CMSS1: variants seen among roughly 807,000 people sequenced by gnomAD.
CMSS1 encodes the protein cms1 ribosomal small subunit homolog.
Under a neutral mutation model 43.5 loss-of-function variants are expected in CMSS1, and 33 were observed. The observed-to-expected ratio is 0.76, with a 90% CI of 0.57 to 1.01. CMSS1 has a LOEUF of 1.01. CMSS1 is among the 50% of genes least tolerant of loss of function. The pLI, the probability that CMSS1 is intolerant of heterozygous loss-of-function variation, is 0.00. For missense variants in CMSS1, 313 were observed against 326.4 expected (o/e 0.96, Z 0.32); for synonymous variants, 115 against 117.2 (o/e 0.98, Z 0.12).
At chr3:100,057,399 A>G (rs537999607) in intron 1 of CMSS1, among the ~76,000 whole-genome samples, 2 of 152,266 alleles carry the variant, frequency 1.3e-5, no homozygotes, top group Non-Finnish European at 2.9e-5. Flanking sequence ...AAAAAGGCCA[A>G]TAAAAGCCCA....
chr3:100,102,108 A>T (rs566653371), intron 1 of CMSS1, among the ~76,000 whole-genome samples: 3 of 152,098 alleles, frequency 2.0e-5, no homozygotes, highest in Non-Finnish European at 4.4e-5. Flanking sequence ...TATAGCAGCA[A>T]GATTTATAAT....
chr3:100,149,791 A>T (rs2066887877), intron 2 of CMSS1, among the ~76,000 whole-genome samples: 1 of 152,112 alleles, frequency 6.6e-6, no homozygotes, highest in Non-Finnish European at 1.5e-5. Context: ...ATTATTTGTG[A>T]AATGAAGGAA....
intron 8 of CMSS1, among the ~76,000 whole-genome samples, chr3:100,173,981 C>T (rs6798114): frequency 0.37 from 56,190 of 152,008 alleles, 10,513 homozygotes; most frequent in South Asian, 0.46. Context: ...CAATAAAGAG[C>T]TCAGCACAGT....
chr3:100,028,021 G>A (rs115124961), intron 1 of CMSS1, among the ~76,000 whole-genome samples: 2 of 152,260 alleles, frequency 1.3e-5, no homozygotes, highest in African/African-American at 4.8e-5. Flanking sequence ...TGAAATGATG[G>A]GGTTGGATTT....
intron 1 of CMSS1, among the ~76,000 whole-genome samples, chr3:99,867,430 G>GA (rs966171267): frequency 6.6e-6 from 1 of 152,092 alleles, no homozygotes; most frequent in Non-Finnish European, 1.5e-5. Context: ...AAAGGTTTTT[G>GA]AAAAAAGCTC....
At chr3:99,904,389 T>A (rs895138987) in intron 1 of CMSS1, among the ~76,000 whole-genome samples, 1 of 152,196 alleles carries the variant, frequency 6.6e-6, no homozygotes, top group African/African-American at 2.4e-5. Context: ...TGGCAAAAAT[T>A]TATTTGGTTT....
intron 1 of CMSS1, among the ~76,000 whole-genome samples, chr3:99,988,527 A>AAG (rs1553703281): frequency 5.6e-4 from 73 of 130,122 alleles, no homozygotes; most frequent in East Asian, 1.9e-3. Flanking sequence ...AAAAAAAAAA[A>AAG]AAAGAAAGAA....
intron 1 of CMSS1, among the ~76,000 whole-genome samples, chr3:99,905,365 C>T (rs531470091): frequency 6.6e-6 from 1 of 152,276 alleles, no homozygotes; most frequent in African/African-American, 2.4e-5. Context: ...GATTCCAAAG[C>T]CAAACTCTCT....
chr3:99,986,119 G>GA (rs951483534), intron 1 of CMSS1, among the ~76,000 whole-genome samples: 21 of 151,964 alleles, frequency 1.4e-4, no homozygotes, highest in African/African-American at 4.8e-4. Context: ...GTTATAAGAG[G>GA]AAAAAAGATA....
intron 1 of CMSS1, among the ~76,000 whole-genome samples, chr3:99,982,486 A>G (rs148182895): frequency 0.015 from 2,244 of 152,190 alleles, 55 homozygotes; most frequent in African/African-American, 0.052. Flanking sequence ...GACTACAGGC[A>G]CATGCCACCA....
At chr3:99,923,689 T>C (rs1427894036) in intron 1 of CMSS1, among the ~76,000 whole-genome samples, 2 of 152,230 alleles carry the variant, frequency 1.3e-5, no homozygotes, top group African/African-American at 4.8e-5. Flanking sequence ...TTCCTCCATG[T>C]TCCCTTAATC....
At chr3:99,956,594 G>T (rs1708326521) in intron 1 of CMSS1, among the ~76,000 whole-genome samples, 1 of 152,184 alleles carries the variant, frequency 6.6e-6, no homozygotes, top group Admixed American at 6.5e-5. Context: ...TGATCCACCT[G>T]CCTCGGCCTT....
chr3:100,130,539 G>C (rs1408004936), intron 1 of CMSS1, among the ~76,000 whole-genome samples: 1 of 152,164 alleles, frequency 6.6e-6, no homozygotes, highest in Non-Finnish European at 1.5e-5. Context: ...CCCTAAGGGG[G>C]ACCACAGCCC....
At chr3:99,946,721 A>G (rs918424226) in intron 1 of CMSS1, among the ~76,000 whole-genome samples, 3 of 152,226 alleles carry the variant, frequency 2.0e-5, no homozygotes, top group African/African-American at 7.2e-5. Context: ...TGGTGGCTAC[A>G]TCTGGAGGCC....
chr3:99,978,318 A>G (rs1336848237), intron 1 of CMSS1, among the ~76,000 whole-genome samples: 1 of 152,210 alleles, frequency 6.6e-6, no homozygotes, highest in Non-Finnish European at 1.5e-5. Flanking sequence ...AATATGCCAA[A>G]GAGACATCTA....
In CMSS1 at chr3:99,849,875, C is replaced by G. The variant is rs1943574608; in HGVS notation, c.64+31832C>G. ...TGATTTAATTTGTTTTTTAGGAAAT[C>G]TTTCTCAATTGCTTCCAATGATTGA... is the stretch of plus-strand genomic sequence containing the variant. On this transcript the variant is annotated intron_variant, in intron 1 of 9. Transcript: ENST00000421999. The G allele has an allele frequency of 3.1e-6, 5 of 1,610,946 alleles. No individual in the cohort carries two copies. Among genetic ancestry groups the G allele is most frequent in the Admixed American group, 1.7e-5 (1 of 59,450 alleles).
chr3:99,981,722 G>A (rs537260666), intron 1 of CMSS1, among the ~76,000 whole-genome samples: 182 of 152,320 alleles, frequency 1.2e-3, no homozygotes, highest in African/African-American at 4.2e-3. Flanking sequence ...AACCAGGTCT[G>A]CCTGATTCCA....
At chr3:100,114,122 A>G (rs2066534329) in intron 1 of CMSS1, 1 of 152,172 alleles carries the variant, frequency 6.6e-6, no homozygotes. Context: ...AAAATCCAAC[A>G]GTGGAATCCA....
chr3:99,990,100 A>G (rs575298969), intron 1 of CMSS1, among the ~76,000 whole-genome samples: 1 of 152,316 alleles, frequency 6.6e-6, no homozygotes, highest in African/African-American at 2.4e-5. Context: ...AGAGAAATAT[A>G]TTGAACTTAT....
Sources: gnomAD v4.1 joint callset for allele counts (sites outside exome capture counted in the v4.1 genomes callset) on GRCh38, gnomAD v4.1.1 for gene constraint, MANE v1.5 for transcripts, NCBI Gene and HGNC (gene_info 2026-07-23, HGNC 2026-07-21) for gene names.